The following TNFRSF14 variants were observed in gnomAD, a reference collection of about 807,000 sequenced individuals.
TNFRSF14 encodes the protein TNF receptor superfamily member 14, also known as tumor necrosis factor receptor superfamily member 14.
A neutral mutation model predicts 34.1 loss-of-function variants in TNFRSF14; 18 were observed. The observed-to-expected ratio is 0.53, with a 90% CI of 0.36 to 0.78. The LOEUF (loss-of-function observed/expected upper bound fraction) is 0.78. Among genes scored for constraint, TNFRSF14 ranks in the 30% least tolerant of loss-of-function variants. TNFRSF14 has a pLI of 0.00. For missense variants in TNFRSF14, 352 were observed against 379.5 expected, an observed-to-expected ratio of 0.93 and a Z score of 0.60; for synonymous variants, 157 against 153.2, an observed-to-expected ratio of 1.02 and a Z score of -0.18.
At chr1:2,560,749 C>G (rs1189937551) in intron 5 of TNFRSF14, 35 bp downstream of exon 5, 4 of 1,591,892 alleles carry the variant, frequency 2.5e-6, no homozygotes, top group Middle Eastern at 1.7e-4. Context: ...GCTCTGTGCC[C>G]TGGGGAGGGG....
At chr1:2,562,780 G>T (rs886074401) in intron 6 of TNFRSF14, 85 bp from the exon 7 acceptor site, 2 of 1,557,656 alleles carry the variant, frequency 1.3e-6, no homozygotes, top group South Asian at 2.2e-5. Context: ...TTGTGCCTCC[G>T]CCACCGCTGT....
At chr1:2,559,062 C>T (rs1644263954) in intron 3 of TNFRSF14, 1 of 1,369,400 alleles carries the variant, frequency 7.3e-7, no homozygotes, top group African/African-American at 1.4e-5. Flanking sequence ...TCAGCATGGC[C>T]AGTGCTCCCT....
rs1644273405 is a variant in TNFRSF14, at chr1:2,559,570, C to A, written c.305-253C>A. On this transcript the variant is annotated intron_variant, in intron 3 of 7. Coordinates refer to ENST00000355716, the MANE Select transcript of TNFRSF14 (RefSeq NM_003820.4). Reference sequence around the variant, plus strand: ...GCCCATCTGGGCAGAAGGCTGGTTTCTCCCATCAACGAAGCCCTCCCAGGA... The same window carrying A: ...GCCCATCTGGGCAGAAGGCTGGTTTATCCCATCAACGAAGCCCTCCCAGGA... The A allele has an allele frequency of 2.6e-6, 4 of 1,526,700 alleles. No homozygotes were observed. The African/African-American group carries it at 5.5e-5, about 21-fold the overall frequency. 94.6% of individuals were successfully genotyped at this position (1,526,700 alleles called of 1,614,324 possible). A position where few individuals can be genotyped will look rare whatever the true frequency, so the allele number is the denominator to read the frequency against.
In TNFRSF14 at chr1:2,563,395, G is replaced by C; in HGVS notation, c.*122G>C. 2 of 1,488,626 alleles carry C rather than the reference G, an allele frequency of 1.3e-6. No individual in the cohort carries two copies. Among genetic ancestry groups the C allele is most frequent in the Non-Finnish European group, 9.0e-7 (1 of 1,109,970 alleles). 92.2% of individuals were successfully genotyped at this position (1,488,626 alleles called of 1,614,324 possible). A position where few individuals can be genotyped will look rare whatever the true frequency, so the allele number is the denominator to read the frequency against. ...GGGGCTCCGCCCTGGGCTGGCTTCC[G>C]TCTCCTCCAGTGGAGGGAGAGGTGG... On this transcript the variant is annotated 3_prime_UTR_variant, in exon 8 of 8. Transcript: ENST00000355716.
chr1:2,562,890 C>T lies in TNFRSF14; in HGVS notation c.720C>T (p.Ser240=), dbSNP rs545836880. 3.9e-5 allele frequency: 63 copies of T among 1,613,880 alleles called. No individual in the cohort carries two copies. The highest frequency in any genetic ancestry group is 1.2e-4 in the South Asian group (11 of 91,078). The change falls in exon 7 of 8, where the codon TCC becomes TCT. Residue 240 remains serine, a synonymous_variant. Transcript: ENST00000355716. ...GTGATGTAGTCAAGGTGATCGTCTC[C>T]GTCCAGGTATTGATCCTCCTCCCCC... is the stretch of plus-strand genomic sequence containing the variant. ...PRGDVVKVIV[S]VQRKRQEAEG...
upstream of TNFRSF14, chr1:2,554,427 C>G (rs896148433): frequency 1.3e-5 from 2 of 152,472 alleles, no homozygotes; most frequent in Admixed American, 1.3e-4. This position sits in a 1 kb window ranked among gnomAD's most constrained non-coding sequence, Gnocchi z 4.2. Flanking sequence ...TCTGTGAGAG[C>G]GGGCAGGCCA....
In TNFRSF14 at chr1:2,561,924, C is replaced by A; in HGVS notation, c.694+109C>A. On this transcript the variant is annotated intron_variant, in intron 6 of 7. Coordinates refer to ENST00000355716, the MANE Select transcript of TNFRSF14 (RefSeq NM_003820.4). This position sits in a 1 kb window ranked among gnomAD's most constrained non-coding sequence, Gnocchi z 6.0. ...CCCAGAGCTTTTCCAGGATCCGCGG[C>A]TCCTCCCAGGGCAGCCACTGCAGGC... 7.9e-7 allele frequency: 1 copy of A among 1,261,690 alleles called. No individual in the cohort carries two copies. The highest frequency in any genetic ancestry group is 1.1e-6 in the Non-Finnish European group (1 of 905,462). 78.2% of individuals were successfully genotyped at this position (1,261,690 alleles called of 1,614,324 possible).
At position 2,557,842 on chromosome 1, in the gene TNFRSF14, C is replaced by A; in HGVS notation, c.178+8C>A. On this transcript the variant is annotated splice_region_variant and intron_variant, in intron 2 of 7. Transcript: ENST00000355716. ...GCCCCAAGTGCAGTCCAGGTAGGTG[C>A]AGCCCTTTGGCGGGCCAGCTCTGTG... 6.3e-7 allele frequency: 1 copy of A among 1,597,858 alleles called. No homozygotes were observed. Among genetic ancestry groups the A allele is most frequent in the Non-Finnish European group, 8.5e-7 (1 of 1,169,924 alleles).
At chr1:2,556,332 C>G, upstream of TNFRSF14, 1 of 610,210 alleles carries the variant, frequency 1.6e-6, no homozygotes, top group Non-Finnish European at 3.1e-6. Flanking sequence ...TGGAATGGTG[C>G]AGGGGGAGAA....
In TNFRSF14 at chr1:2,563,372, G is replaced by A; in HGVS notation, c.*99G>A. 2 of 1,554,308 alleles carry A rather than the reference G, an allele frequency of 1.3e-6. No individual in the cohort carries two copies. Among genetic ancestry groups the A allele is most frequent in the Non-Finnish European group, 8.7e-7 (1 of 1,149,138 alleles). On this transcript the variant is annotated 3_prime_UTR_variant, in exon 8 of 8. Transcript: ENST00000355716. ...AACCACCGGAGCCCGGAGGCTTGGGGGCTCCGCCCTGGGCTGGCTTCCGTC... is the reference window on the plus strand; with the variant it reads ...AACCACCGGAGCCCGGAGGCTTGGGAGCTCCGCCCTGGGCTGGCTTCCGTC...
At chr1:2,556,030 C>T (rs912430917), upstream of TNFRSF14, 4 of 227,722 alleles carry the variant, frequency 1.8e-5, no homozygotes, top group East Asian at 1.2e-4. Flanking sequence ...TCCCAGGGGA[C>T]GGGTAGGGGC....
Position 2,561,067 on chromosome 1 carries a change from G to A in TNFRSF14, c.551+353G>A, listed in dbSNP as rs1644301460. The A allele has an allele frequency of 2.8e-6, 1 of 356,414 alleles. No homozygotes were observed. The highest frequency in any genetic ancestry group is 2.1e-5 in the African/African-American group (1 of 48,260). The allele number at this position is 356,414 out of a possible 1,614,324, so 22.1% of individuals were successfully genotyped here. On this transcript the variant is annotated intron_variant, in intron 5 of 7. Coordinates refer to ENST00000355716, the MANE Select transcript of TNFRSF14 (RefSeq NM_003820.4). This position sits in a 1 kb window ranked among gnomAD's most constrained non-coding sequence, Gnocchi z 6.0. Reference sequence around the variant, plus strand: ...GGAGGGCCCCTGGGCTTCAGGGGTTGGGGAAAGTGAACACTCTGCTCTTTG... The same window carrying A: ...GGAGGGCCCCTGGGCTTCAGGGGTTAGGGAAAGTGAACACTCTGCTCTTTG...
chr1:2,559,151 A>G (rs1384719660), intron 3 of TNFRSF14: 2 of 1,363,270 alleles, frequency 1.5e-6, no homozygotes, highest in African/African-American at 1.4e-5. Flanking sequence ...AGGGAGGCAC[A>G]GGGCAGGTGG....
At chr1:2,558,134 G>T (rs1253457092) in intron 2 of TNFRSF14, among the ~76,000 whole-genome samples, 4 of 152,216 alleles carry the variant, frequency 2.6e-5, no homozygotes, top group Non-Finnish European at 5.9e-5. Flanking sequence ...GTCCCAGGAG[G>T]CCCCATGTGC....
rs142945923 is a variant in TNFRSF14, at chr1:2,556,959, C to T, written c.69+226C>T. 8,213 of 502,460 alleles carry T rather than the reference C, an allele frequency of 0.016. 105 individuals carry two copies. The highest frequency in any genetic ancestry group is 0.054 in the African/African-American group (2,818 of 51,948). 31.1% of individuals were successfully genotyped at this position (502,460 alleles called of 1,614,324 possible). A position where few individuals can be genotyped will look rare whatever the true frequency, so the allele number is the denominator to read the frequency against. ...GCCCTACCCAGCAGACCTCCTCCTG[C>T]GTGTGTCCCCCACTCACCACTCCGT... is the stretch of plus-strand genomic sequence containing the variant. On this transcript the variant is annotated intron_variant, in intron 1 of 7. Transcript: ENST00000355716.
chr1:2,559,519 A>G, intron 3 of TNFRSF14: 1 of 1,490,804 alleles, frequency 6.7e-7, no homozygotes, highest in Non-Finnish European at 8.9e-7. Context: ...CCTGCCCTGG[A>G]ACTGACAGTG....
rs1487311561 is a variant in TNFRSF14 at position 2,561,460 on chromosome 1, C to T, written c.552-213C>T. The T allele has an allele frequency of 2.7e-6, 4 of 1,487,890 alleles. No homozygotes were observed. Among genetic ancestry groups the T allele is most frequent in the Non-Finnish European group, 2.7e-6 (3 of 1,114,158 alleles). The allele number at this position is 1,487,890 out of a possible 1,614,324, so 92.2% of individuals were successfully genotyped here. On this transcript the variant is annotated intron_variant, in intron 5 of 7. Transcript: ENST00000355716. The surrounding 1 kb of genome is among the most constrained non-coding windows in gnomAD (Gnocchi z 6.0). ...CTTTGCCCAGTCTCTCCTTGTTTCT[C>T]TTCTCCTCCTTCCTTCTCTCCACCT...
rs1197183289 is a variant in TNFRSF14, at chr1:2,561,549, G to A, written c.552-124G>A. The A allele has an allele frequency of 6.4e-7, 1 of 1,570,984 alleles. No individual in the cohort carries two copies. Among genetic ancestry groups the A allele is most frequent in the East Asian group, 2.4e-5 (1 of 42,050 alleles). ...AGGTCTCATCCTGGAGCTGCCACCA[G>A]CCCAGCCTCCCTGGGACCTGTCTTC... On this transcript the variant is annotated intron_variant, in intron 5 of 7. Coordinates refer to ENST00000355716, the MANE Select transcript of TNFRSF14 (RefSeq NM_003820.4). This position sits in a 1 kb window ranked among gnomAD's most constrained non-coding sequence, Gnocchi z 6.0.
chr1:2,562,552 G>A (rs1343155913), intron 6 of TNFRSF14: 2 of 542,576 alleles, frequency 3.7e-6, no homozygotes, highest in Non-Finnish European at 6.6e-6. Context: ...CCTCTCCACT[G>A]TGAAGCGCTT....
Sources: allele counts gnomAD v4.1 joint callset (sites outside exome capture counted in the v4.1 genomes callset), GRCh38; gene constraint gnomAD v4.1.1; non-coding constraint Gnocchi (gnomAD v3.1); transcripts MANE v1.5; gene names NCBI Gene and HGNC (gene_info 2026-07-23, HGNC 2026-07-21).